ZNF433: variants seen among roughly 807,000 people sequenced by gnomAD.
The protein encoded by ZNF433 is zinc finger protein 433.
ZNF433 carries 12 observed loss-of-function variants against 10.6 expected under a neutral mutation model. That is an observed-to-expected ratio of 1.13 (90% CI 0.72 to 1.83). ZNF433 has a LOEUF of 1.83. ZNF433 is among the 40% of genes most tolerant of loss of function. The probability of loss-of-function intolerance (pLI) is 0.00; values close to 1 mark genes in which losing one functional copy is unlikely to be tolerated. For missense variants in ZNF433, 737 were observed against 798.0 expected, an observed-to-expected ratio of 0.92 and a Z score of 0.92; for synonymous variants, 272 against 271.3, an observed-to-expected ratio of 1.00 and a Z score of -0.02.
intron 1 of ZNF433, chr19:12,025,143 C>T (rs1974675342): frequency 6.6e-6 from 1 of 151,998 alleles, no homozygotes; most frequent in African/African-American, 2.4e-5. Flanking sequence ...TTTCAGAAGC[C>T]CTGTACTTCG....
Position 12,019,287 on chromosome 19 carries a change from G to A in ZNF433, c.4-995C>T, listed in dbSNP as rs144336129. The stretch of plus-strand genomic sequence containing the variant: ...AATACAAAAATAAGCCAGGCATGGT[G>A]GTATGCACCTGCAATTCCACTACTT... On this transcript the variant is annotated intron_variant, in intron 1 of 3. Coordinates refer to ENST00000550507, the MANE Select transcript of ZNF433 (RefSeq NM_001308348.2). Among the ~76,000 whole-genome samples, 141 of 152,136 alleles carry A rather than the reference G, an allele frequency of 9.3e-4. 3 individuals carry two copies. In the South Asian group the frequency reaches 0.012, roughly 13 times the overall value.
At chr19:12,019,926 TAAAAA>T (rs1205720035) in intron 1 of ZNF433, among the ~76,000 whole-genome samples, 20 of 151,918 alleles carry the variant, frequency 1.3e-4, no homozygotes, top group Non-Finnish European at 2.5e-4. Flanking sequence ...TTACAATAAT[TAAAAA>T]TAATAAATCA....
chr19:12,034,561 CA>C (rs1260862155), intron 1 of ZNF433: 3 of 273,596 alleles, frequency 1.1e-5, no homozygotes, highest in African/African-American at 6.6e-5. Context: ...AACCAAATTA[CA>C]AACAAGACCT....
chr19:12,018,689 T>C (rs1974337420), intron 1 of ZNF433: 1 of 156,412 alleles, frequency 6.4e-6, no homozygotes, highest in South Asian at 2.0e-4. Flanking sequence ...CGACAAAGTT[T>C]AACCTTTGAT....
rs568014010 is a variant in ZNF433 at position 12,016,993 on chromosome 19, C to T, written c.192-327G>A. On this transcript the variant is annotated intron_variant, in intron 3 of 3. Transcript: ENST00000550507. ...CTGACCTCAGGTGATCCACCTGCCT[C>T]GGCTTCCCAAAATGCTGGGATTACA... is the stretch of plus-strand genomic sequence containing the variant. Among the ~76,000 whole-genome samples the T allele has an allele frequency of 2.3e-3, 351 of 152,214 alleles. 1 individual carries two copies. Among genetic ancestry groups the T allele is most frequent in the Admixed American group, 4.5e-3 (68 of 15,280 alleles).
chr19:12,031,304 AAAAAAAC>A (rs1975009733), intron 1 of ZNF433, among the ~76,000 whole-genome samples: 1 of 132,110 alleles, frequency 7.6e-6, no homozygotes, highest in African/African-American at 4.3e-5. Flanking sequence ...CAAAAAAAAA[AAAAAAAC>A]AAAACAAAAA....
intron 3 of ZNF433, 148 bp downstream of exon 3, chr19:12,017,728 C>T (rs1026502926): frequency 1.6e-6 from 1 of 622,950 alleles, no homozygotes; most frequent in African/African-American, 1.9e-5. Context: ...CTACATCACA[C>T]TTCAATATGT....
At chr19:12,025,312 T>C (rs1974682528) in intron 1 of ZNF433, 1 of 152,232 alleles carries the variant, frequency 6.6e-6, no homozygotes. Context: ...ATGACTTTAT[T>C]TACCCAATTG....
At position 12,015,250 on chromosome 19, in the gene ZNF433, A is replaced by G; in HGVS notation, c.1608T>C (p.Cys536=). The G allele has an allele frequency of 6.2e-7, 1 of 1,613,948 alleles. No individual in the cohort carries two copies. Among genetic ancestry groups the G allele is most frequent in the South Asian group, 1.1e-5 (1 of 91,070 alleles). Residue 536 remains cysteine (C), a synonymous_variant, in exon 4 of 4, where the codon TGT becomes TGC. Transcript: ENST00000550507. Reference sequence around the variant, plus strand: ...GTGAGGCAGATCTGAAGGCTTTTCCACATTGCTTGCATTCATAGGGTTTCT... The same window carrying G: ...GTGAGGCAGATCTGAAGGCTTTTCCGCATTGCTTGCATTCATAGGGTTTCT... The part of the protein sequence containing the change: ...TGEKPYECKQ[C]GKAFRSASQL...
At chr19:12,034,938 G>C (rs1165428618) in intron 1 of ZNF433, 1 of 453,592 alleles carries the variant, frequency 2.2e-6, no homozygotes, top group Non-Finnish European at 4.4e-6. Context: ...TCCTGGGGTT[G>C]TGTTTTCCTC....
intron 1 of ZNF433, chr19:12,034,841 T>C (rs554840286): frequency 4.4e-6 from 2 of 454,144 alleles, no homozygotes; most frequent in African/African-American, 2.0e-5. Context: ...TTTCCAGGCA[T>C]TGATGCATGA....
chr19:12,030,770 T>C (rs1974978908), intron 1 of ZNF433, among the ~76,000 whole-genome samples: 1 of 152,166 alleles, frequency 6.6e-6, no homozygotes, highest in Non-Finnish European at 1.5e-5. Context: ...AAAAATAATA[T>C]ATTGTACATT....
intron 1 of ZNF433, chr19:12,023,369 G>C (rs1304637292): frequency 2.0e-5 from 3 of 152,164 alleles, no homozygotes. Context: ...ATTACAATGG[G>C]AAATTCAAAT....
chr19:12,026,179 CT>C (rs1323412623), intron 1 of ZNF433: 1 of 155,672 alleles, frequency 6.4e-6, no homozygotes, highest in East Asian at 1.9e-4. Flanking sequence ...AGAGGTTATG[CT>C]TGTGTTTCCC....
chr19:12,033,577 C>T (rs971867781), intron 1 of ZNF433, among the ~76,000 whole-genome samples: 2 of 151,670 alleles, frequency 1.3e-5, no homozygotes, highest in Non-Finnish European at 2.9e-5. Context: ...AATCCCAGCA[C>T]TTTGGGAGGC....
intron 1 of ZNF433, among the ~76,000 whole-genome samples, chr19:12,031,678 C>A (rs1975035874): frequency 6.6e-6 from 1 of 151,978 alleles, no homozygotes; most frequent in Non-Finnish European, 1.5e-5. Context: ...AAAACAGACT[C>A]TTTGTGGAAA....
chr19:12,018,534 A>G, intron 1 of ZNF433: 1 of 348,618 alleles, frequency 2.9e-6, no homozygotes, highest in Admixed American at 4.8e-5. Context: ...AAATCCAGAA[A>G]GGTGTGCTGC....
At chr19:12,021,777 G>T (rs907344379) in intron 1 of ZNF433, among the ~76,000 whole-genome samples, 1 of 152,102 alleles carries the variant, frequency 6.6e-6, no homozygotes, top group African/African-American at 2.4e-5. Context: ...TCCCTGTGGG[G>T]AGACAGCTGA....
chr19:12,034,847 C>T, intron 1 of ZNF433: 1 of 454,126 alleles, frequency 2.2e-6, no homozygotes, highest in South Asian at 1.6e-5. Context: ...GGCATTGATG[C>T]ATGATTCTCC....
Sources: gnomAD v4.1 joint callset for allele counts (sites outside exome capture counted in the v4.1 genomes callset) on GRCh38, gnomAD v4.1.1 for gene constraint, MANE v1.5 for transcripts, NCBI Gene and HGNC (gene_info 2026-07-23, HGNC 2026-07-21) for gene names.